CACNA1S: variants seen among roughly 807,000 people sequenced by gnomAD.
The protein encoded by CACNA1S is calcium voltage-gated channel subunit alpha1 S.
A neutral mutation model predicts 207.4 loss-of-function variants in CACNA1S; 126 were observed. The ratio of observed to expected loss-of-function variants is 0.61; its 90% confidence interval spans 0.53 to 0.70. The LOEUF is 0.70. Ranked by LOEUF, CACNA1S falls within the 30% of genes least tolerant of loss-of-function variation. The probability of loss-of-function intolerance (pLI) is 0.00; values close to 1 mark genes in which losing one functional copy is unlikely to be tolerated. For missense variants in CACNA1S, 2,349 were observed against 2,422.8 expected, an observed-to-expected ratio of 0.97 and a Z score of 0.64; for synonymous variants, 960 against 932.7, an observed-to-expected ratio of 1.03 and a Z score of -0.53.
chr1:201,039,875 G>T lies in CACNA1S; in HGVS notation c.5578C>A (p.Gln1860Lys). 1 of 1,611,266 alleles carries T rather than the reference G, an allele frequency of 6.2e-7. No individual in the cohort carries two copies. Among genetic ancestry groups the T allele is most frequent in the Non-Finnish European group, 8.5e-7 (1 of 1,180,032 alleles). ...NLGSSLGSLD[Q>K]HQGSQETLIP... ...AGGGTCTCCTGGGAGCCCTGGTGTT[G>T]GTCGAGGCTGCCCAGGGAGGACCCG... Residue 1860 changes from glutamine (Q) to lysine (K), a missense_variant, in exon 44 of 44, where the codon CAA becomes AAA. By Grantham distance (53) the Gln-to-Lys change is moderately conservative. Transcript: ENST00000362061.
At chr1:201,041,757 C>A in intron 40 of CACNA1S, 168 bp from the exon 41 acceptor site, 1 of 688,308 alleles carries the variant, frequency 1.5e-6, no homozygotes, top group Non-Finnish European at 2.7e-6. Context: ...CCCAGCCAGC[C>A]CTGACTCTCT....
At chr1:201,098,038 A>G (rs1036864484) in intron 2 of CACNA1S, among the ~76,000 whole-genome samples, 2 of 152,096 alleles carry the variant, frequency 1.3e-5, no homozygotes, top group Admixed American at 6.5e-5. Flanking sequence ...CTATCTTCTT[A>G]GCCTGATTTG....
At chr1:201,059,383 T>A in intron 26 of CACNA1S, 84 bp from the exon 27 acceptor site, 2 of 822,516 alleles carry the variant, frequency 2.4e-6, no homozygotes, top group South Asian at 1.6e-5. Flanking sequence ...CCCTGCCTCT[T>A]CCTGGGAAGC....
intron 16 of CACNA1S, among the ~76,000 whole-genome samples, chr1:201,070,643 G>A (rs2102133032): frequency 6.6e-6 from 1 of 152,318 alleles, no homozygotes; most frequent in South Asian, 2.1e-4. Flanking sequence ...AGTGGGGCAA[G>A]GAGCAAGCCC....
At chr1:201,077,834 G>T (rs534505505) in intron 11 of CACNA1S, 45 bp downstream of exon 11, 3 of 1,391,416 alleles carry the variant, frequency 2.2e-6, no homozygotes, top group Admixed American at 3.4e-5. Flanking sequence ...CCAGCCCGTG[G>T]TGCCTGCCGG....
In CACNA1S at chr1:201,089,434, G is replaced by A. The variant is rs376595247; in HGVS notation, c.724C>T (p.Pro242Ser). Residue 242 changes from proline to serine, a missense_variant, in exon 6 of 44, where the codon CCA becomes TCA. Pro to Ser is a moderately conservative substitution (Grantham distance 74). Transcript: ENST00000362061. The part of the protein sequence containing the change: ...DIVATVENEE[P>S]SPCARTGSGR... Reference sequence around the variant, plus strand: ...GAGCCCGTCCTGGCGCAGGGCGATGGCTCTTCATTCTCCACCGTGGCCACG... The same window carrying A: ...GAGCCCGTCCTGGCGCAGGGCGATGACTCTTCATTCTCCACCGTGGCCACG... 1 of 1,614,000 alleles carries A rather than the reference G, an allele frequency of 6.2e-7. No homozygotes were observed. The highest frequency in any genetic ancestry group is 1.3e-5 in the African/African-American group (1 of 74,936).
chr1:201,089,818 T>A (rs889952692), intron 5 of CACNA1S, among the ~76,000 whole-genome samples: 2 of 152,222 alleles, frequency 1.3e-5, no homozygotes. Context: ...GGAGCAGGGC[T>A]GGAGGTGGAG....
rs542749847 is a variant in CACNA1S at position 201,043,007 on chromosome 1, T to G, written c.5048+274A>C. ...CCTAACCTATCATGTGTTCAATACG[T>G]CTCAGCTCCTAGACTTGCTGAAGCC... On this transcript the variant is annotated intron_variant, in intron 40 of 43. Coordinates refer to ENST00000362061, the MANE Select transcript of CACNA1S (RefSeq NM_000069.3). 14 of 435,656 alleles carry G rather than the reference T, an allele frequency of 3.2e-5. 1 individual carries two copies. The highest frequency in any genetic ancestry group is 3.0e-4 in the South Asian group (14 of 47,016). 27.0% of individuals were successfully genotyped at this position (435,656 alleles called of 1,614,324 possible). A position where few individuals can be genotyped will look rare whatever the true frequency, so the allele number is the denominator to read the frequency against.
At position 201,066,899 on chromosome 1, in the gene CACNA1S, G is replaced by C. The variant is rs748756598; in HGVS notation, c.2645C>G (p.Ser882Cys). The C allele has an allele frequency of 3.1e-6, 5 of 1,613,034 alleles. No homozygotes were observed. Among genetic ancestry groups the C allele is most frequent in the Non-Finnish European group, 4.2e-6 (5 of 1,178,954 alleles). Residue 882 changes from serine to cysteine, a missense_variant, in exon 20 of 44, where the codon TCC becomes TGC. Coordinates refer to ENST00000362061, the MANE Select transcript of CACNA1S (RefSeq NM_000069.3). The surrounding 1 kb of genome is among the most constrained non-coding windows in gnomAD (Gnocchi z 4.3). ...TGCCGCTGCTCACTCAAGTCCCATG[G>C]AGATGAGGGACACGGCCACCACCAG... ...DLLVVAVSLI[S>C]MGLESSAISV...
At chr1:201,110,369 C>T (rs1663053306) in intron 1 of CACNA1S, 100 bp from the exon 2 acceptor site, 2 of 1,018,052 alleles carry the variant, frequency 2.0e-6, no homozygotes, top group Admixed American at 1.8e-5. Flanking sequence ...GACTCTGATG[C>T]CAGGCTGCTG....
intron 10 of CACNA1S, among the ~76,000 whole-genome samples, chr1:201,079,211 A>G (rs1011092680): frequency 6.6e-6 from 1 of 151,388 alleles, no homozygotes; most frequent in South Asian, 2.1e-4. Context: ...CAAACTCCCG[A>G]AAGTTGTCTA....
At chr1:201,104,362 A>G (rs1175826857) in intron 2 of CACNA1S, among the ~76,000 whole-genome samples, 1 of 152,154 alleles carries the variant, frequency 6.6e-6, no homozygotes. Flanking sequence ...CCCCTCCCCA[A>G]TCCCTTGAAA....
chr1:201,072,854 A>G, intron 15 of CACNA1S, 30 bp from the exon 16 acceptor site: 1 of 1,584,090 alleles, frequency 6.3e-7, no homozygotes, highest in Non-Finnish European at 8.7e-7. Flanking sequence ...GACTATAACA[A>G]TGAAAAAGAA....
chr1:201,053,692 G>A lies in CACNA1S; in HGVS notation c.3667-105C>T. The A allele has an allele frequency of 2.4e-6, 3 of 1,225,516 alleles. No homozygotes were observed. Among genetic ancestry groups the A allele is most frequent in the Non-Finnish European group, 3.4e-6 (3 of 872,310 alleles). 75.9% of individuals were successfully genotyped at this position (1,225,516 alleles called of 1,614,324 possible). A position where few individuals can be genotyped will look rare whatever the true frequency, so the allele number is the denominator to read the frequency against. ...CTGTGTGTTTTGGGGAGATGTTTGT[G>A]GCATGGAGGAACTCCAGCCCCGCCT... On this transcript the variant is annotated intron_variant, in intron 29 of 43. Coordinates refer to ENST00000362061, the MANE Select transcript of CACNA1S (RefSeq NM_000069.3). This position sits in a 1 kb window ranked among gnomAD's most constrained non-coding sequence, Gnocchi z 5.1.
chr1:201,082,109 A>G (rs1318067033), intron 10 of CACNA1S, among the ~76,000 whole-genome samples: 1 of 150,096 alleles, frequency 6.7e-6, no homozygotes, highest in Non-Finnish European at 1.5e-5. Context: ...GCTCACTGCA[A>G]TCTCCACCTT....
intron 8 of CACNA1S, 30 bp from the exon 9 acceptor site, chr1:201,085,061 C>A (rs751599642): frequency 1.3e-6 from 2 of 1,553,756 alleles, no homozygotes; most frequent in Non-Finnish European, 1.8e-6. Context: ...AGTCAGCCAG[C>A]CTTCGGGGCC....
chr1:201,083,832 T>C (rs1661930685), intron 9 of CACNA1S, among the ~76,000 whole-genome samples: 2 of 152,340 alleles, frequency 1.3e-5, no homozygotes, highest in East Asian at 3.9e-4. Flanking sequence ...TTGCCCAGAC[T>C]GGACTTGAAC....
intron 2 of CACNA1S, among the ~76,000 whole-genome samples, chr1:201,105,260 C>T (rs1190954249): frequency 6.6e-6 from 1 of 152,190 alleles, no homozygotes; most frequent in Non-Finnish European, 1.5e-5. Context: ...ACCTGGGGGT[C>T]TCTGTGACTA....
At chr1:201,093,242 G>A (rs1341418816) in intron 3 of CACNA1S, among the ~76,000 whole-genome samples, 2 of 152,190 alleles carry the variant, frequency 1.3e-5, no homozygotes, top group South Asian at 2.1e-4. Context: ...GAAGTTGTTA[G>A]GGTGGGCCCT....
Sources: allele counts gnomAD v4.1 joint callset (sites outside exome capture counted in the v4.1 genomes callset), GRCh38; gene constraint gnomAD v4.1.1; non-coding constraint Gnocchi (gnomAD v3.1); transcripts MANE v1.5; gene names NCBI Gene and HGNC (gene_info 2026-07-23, HGNC 2026-07-21).